The following C1QTNF3 variants were observed in gnomAD, a reference collection of about 807,000 sequenced individuals.
C1QTNF3 encodes complement C1q tumor necrosis factor-related protein 3.
C1QTNF3 carries 26 observed loss-of-function variants against 32.6 expected under a neutral mutation model. The ratio of observed to expected loss-of-function variants is 0.80; its 90% CI spans 0.58 to 1.11. C1QTNF3 has a LOEUF of 1.11. C1QTNF3 is among the 50% of genes least tolerant of loss of function. C1QTNF3 has a pLI of 0.00. For missense variants in C1QTNF3, 362 were observed against 398.2 expected, an observed-to-expected ratio of 0.91 and a Z score of 0.77; for synonymous variants, 155 against 146.0, an observed-to-expected ratio of 1.06 and a Z score of -0.44.
the C1QTNF3 span, among the ~76,000 whole-genome samples, chr5:34,089,713 G>A: frequency 1.3e-5 from 2 of 152,198 alleles, no homozygotes; most frequent in African/African-American, 4.8e-5. Context: ...TAACTGCTTA[G>A]CTAAGTGTCA....
the C1QTNF3 span, among the ~76,000 whole-genome samples, chr5:34,188,218 C>CAA: frequency 0.83 from 125,466 of 151,318 alleles, 49,807 homozygotes; most frequent in African/African-American, 0.88. Context: ...GAAATCCAGG[C>CAA]AAGTTTGCTG....
At chr5:34,147,970 A>T in the C1QTNF3 span, among the ~76,000 whole-genome samples, 23 of 152,104 alleles carry the variant, frequency 1.5e-4, no homozygotes, top group African/African-American at 5.3e-4. Context: ...AGGGAGTGCC[A>T]GACAGTGGGC....
At chr5:34,073,199 C>T in the C1QTNF3 span, among the ~76,000 whole-genome samples, 12 of 151,936 alleles carry the variant, frequency 7.9e-5, no homozygotes, top group South Asian at 1.7e-3. Flanking sequence ...TGGTGGTGGG[C>T]GCCTGTAGTC....
At chr5:34,239,945 C>G in the C1QTNF3 span, among the ~76,000 whole-genome samples, 1 of 151,954 alleles carries the variant, frequency 6.6e-6, no homozygotes, top group Admixed American at 6.6e-5. Flanking sequence ...ACTCTTAGAT[C>G]TCAATGTAAT....
the C1QTNF3 span, among the ~76,000 whole-genome samples, chr5:34,174,769 TCTCA>T: frequency 6.6e-6 from 1 of 152,032 alleles, no homozygotes; most frequent in Non-Finnish European, 1.5e-5. Flanking sequence ...TGAGAAGCAG[TCTCA>T]CTGTCGCCCA....
the C1QTNF3 span, among the ~76,000 whole-genome samples, chr5:34,132,437 A>G: frequency 1.1e-3 from 9 of 8,318 alleles, no homozygotes; most frequent in South Asian, 4.7e-3. Context: ...ATGTGTATGT[A>G]TATATATATA....
In C1QTNF3 at chr5:34,035,675, A is replaced by AG. The variant is rs761303952; in HGVS notation, c.386dup (p.Gly130TrpfsTer24). 5 of 1,611,104 alleles carry AG rather than the reference A, an allele frequency of 3.1e-6. No homozygotes were observed. The African/African-American group carries it at 4.0e-5, about 13-fold the overall frequency. On this transcript the variant is annotated frameshift_variant, in exon 2 of 6. Coordinates refer to ENST00000382065, the MANE Select transcript of C1QTNF3 (RefSeq NM_181435.6). LOFTEE classifies it high-confidence loss of function. ...GAATGCCAGGAGGGCCCGGTGGCCC[A>AG]GGGGGGCCTTGGTAGCCTCGAAAGC...
At position 34,034,489 on chromosome 5, in the gene C1QTNF3, G is replaced by A. The variant is rs371011360; in HGVS notation, c.416-1031C>T. ...TTTTAACTTTTCCCTTTGCCAACAA[G>A]AGACAATTTCTACACCTCTTCTTTA... On this transcript the variant is annotated intron_variant, in intron 2 of 5. Transcript: ENST00000382065. Among the ~76,000 whole-genome samples, 6 of 152,356 alleles carry A rather than the reference G, an allele frequency of 3.9e-5. No individual in the cohort carries two copies. The East Asian group carries it at 9.6e-4, about 24-fold the overall frequency.
the C1QTNF3 span, among the ~76,000 whole-genome samples, chr5:34,140,209 G>T: frequency 6.6e-6 from 1 of 152,172 alleles, no homozygotes; most frequent in East Asian, 1.9e-4. Flanking sequence ...GCAGAAGGAA[G>T]AATTAGAATC....
the C1QTNF3 span, among the ~76,000 whole-genome samples, chr5:34,210,663 C>T: frequency 6.6e-6 from 1 of 151,978 alleles, no homozygotes; most frequent in Non-Finnish European, 1.5e-5. Flanking sequence ...AGAAGACAGA[C>T]ATTATCATTT....
chr5:34,096,863 T>A, the C1QTNF3 span, among the ~76,000 whole-genome samples: 1 of 151,332 alleles, frequency 6.6e-6, no homozygotes, highest in African/African-American at 2.4e-5. Context: ...TTCAGAATTT[T>A]AGCTACTGTC....
At chr5:34,068,211 G>A in the C1QTNF3 span, among the ~76,000 whole-genome samples, 1 of 152,118 alleles carries the variant, frequency 6.6e-6, no homozygotes, top group Admixed American at 6.6e-5. Context: ...GTGAATGTCA[G>A]AAATAGCCAA....
At chr5:34,096,681 G>A in the C1QTNF3 span, among the ~76,000 whole-genome samples, 1 of 148,644 alleles carries the variant, frequency 6.7e-6, no homozygotes, top group Admixed American at 6.8e-5. Context: ...AGATAGATGG[G>A]AAAAATTAAA....
At chr5:34,235,763 C>A in the C1QTNF3 span, among the ~76,000 whole-genome samples, 2 of 152,080 alleles carry the variant, frequency 1.3e-5, no homozygotes, top group African/African-American at 2.4e-5. Context: ...TTTACTTGTC[C>A]ATTTAATACT....
the C1QTNF3 span, among the ~76,000 whole-genome samples, chr5:34,178,245 C>T: frequency 1.4e-4 from 21 of 151,922 alleles, no homozygotes; most frequent in Middle Eastern, 3.2e-3. Context: ...TGCACCACTA[C>T]ACTCCAGCCT....
the C1QTNF3 span, among the ~76,000 whole-genome samples, chr5:34,210,102 T>A: frequency 6.6e-6 from 1 of 152,054 alleles, no homozygotes; most frequent in Non-Finnish European, 1.5e-5. Context: ...AATCTTTTTA[T>A]AAAATAAATT....
At chr5:34,034,612 G>A (rs1298650881) in intron 2 of C1QTNF3, among the ~76,000 whole-genome samples, 1 of 152,170 alleles carries the variant, frequency 6.6e-6, no homozygotes. Context: ...CCAAATGGAT[G>A]AACTTTGACT....
At chr5:34,175,449 A>C in the C1QTNF3 span, 1 of 198,920 alleles carries the variant, frequency 5.0e-6, no homozygotes, top group African/African-American at 2.3e-5. Context: ...AAATACCTTA[A>C]GCTTCTCAGC....
chr5:34,062,130 C>T, the C1QTNF3 span, among the ~76,000 whole-genome samples: 12 of 152,166 alleles, frequency 7.9e-5, no homozygotes, highest in African/African-American at 2.9e-4. Context: ...GGCAAAAATG[C>T]CACCAGTCTC....
Sources: allele counts gnomAD v4.1 joint callset (sites outside exome capture counted in the v4.1 genomes callset), GRCh38; gene constraint gnomAD v4.1.1; transcripts MANE v1.5; gene names NCBI Gene and HGNC (gene_info 2026-07-23, HGNC 2026-07-21).